Variants in FOXP1 observed in about 807,000 individuals in gnomAD.
The protein encoded by FOXP1 is forkhead box P1.
A neutral mutation model predicts 98.2 loss-of-function variants in FOXP1; 15 were observed. The ratio of observed to expected loss-of-function variants is 0.15; its 90% CI spans 0.10 to 0.24. The LOEUF is 0.24. Among genes scored for constraint, FOXP1 ranks in the 10% least tolerant of loss-of-function variants. FOXP1 has a pLI of 1.00. For missense variants in FOXP1, 633 were observed against 848.5 expected, an observed-to-expected ratio of 0.75 and a Z score of 3.15; for synonymous variants, 371 against 314.5, an observed-to-expected ratio of 1.18 and a Z score of -1.90.
intron 5 of FOXP1, among the ~76,000 whole-genome samples, chr3:71,269,252 T>G (rs1213281999): frequency 1.3e-5 from 2 of 151,830 alleles, no homozygotes; most frequent in African/African-American, 4.8e-5. Flanking sequence ...AAGATGACAA[T>G]TTATGAAGAA....
intron 6 of FOXP1, among the ~76,000 whole-genome samples, chr3:71,187,681 T>C (rs781629081): frequency 2.0e-5 from 3 of 152,098 alleles, no homozygotes; most frequent in Non-Finnish European, 4.4e-5. Context: ...TTATAAGAAA[T>C]AGAAATTGAA....
At chr3:71,026,635 T>C (rs1463099000) in intron 11 of FOXP1, among the ~76,000 whole-genome samples, 1 of 152,222 alleles carries the variant, frequency 6.6e-6, no homozygotes, top group Admixed American at 6.5e-5. Context: ...GCTTTACCAA[T>C]GGTAAGAACC....
chr3:71,007,492 T>C (rs1297259574), intron 12 of FOXP1, among the ~76,000 whole-genome samples: 1 of 152,208 alleles, frequency 6.6e-6, no homozygotes, highest in Non-Finnish European at 1.5e-5. Flanking sequence ...TTCTTTAACA[T>C]ACACTTTGTT....
In FOXP1 at chr3:71,581,777, G is replaced by A. The variant is rs575419987; in HGVS notation, c.-446-80C>T. On this transcript the variant is annotated intron_variant, in intron 1 of 20. Coordinates refer to ENST00000649528, the MANE Select transcript of FOXP1 (RefSeq NM_001349338.3). ...GGGGGGAACTGAAGGGGACGGGACG[G>A]GTGAGTAGGCCGAGGGGCCAGGACA... 26 of 985,774 alleles carry A rather than the reference G, an allele frequency of 2.6e-5. No homozygotes were observed. The African/African-American group carries it at 4.5e-4, about 17-fold the overall frequency. 61.1% of individuals were successfully genotyped at this position (985,774 alleles called of 1,614,324 possible). A position where few individuals can be genotyped will look rare whatever the true frequency, so the allele number is the denominator to read the frequency against.
At chr3:71,307,453 G>A (rs902962682) in intron 4 of FOXP1, among the ~76,000 whole-genome samples, 5 of 152,056 alleles carry the variant, frequency 3.3e-5, no homozygotes, top group Non-Finnish European at 7.4e-5. Context: ...ATGGAGAAAA[G>A]GCAAACAAAA....
chr3:71,376,366 C>T (rs537913775), intron 3 of FOXP1, among the ~76,000 whole-genome samples: 29 of 152,234 alleles, frequency 1.9e-4, no homozygotes, highest in South Asian at 1.0e-3. Context: ...AGTCCATTTA[C>T]GGAGAATATG....
chr3:71,544,987 C>T (rs1170473597), intron 2 of FOXP1, among the ~76,000 whole-genome samples: 2 of 152,134 alleles, frequency 1.3e-5, no homozygotes, highest in Non-Finnish European at 2.9e-5. Context: ...GCTGAATTTG[C>T]TTCTTGAAAG....
chr3:71,370,683 C>T (rs1454514936), intron 3 of FOXP1, among the ~76,000 whole-genome samples: 4 of 152,068 alleles, frequency 2.6e-5, no homozygotes, highest in Non-Finnish European at 5.9e-5. Flanking sequence ...TTTTCTGCCA[C>T]TATCTGCCAC....
At chr3:71,132,706 A>G (rs2059631604) in intron 6 of FOXP1, among the ~76,000 whole-genome samples, 1 of 152,208 alleles carries the variant, frequency 6.6e-6, no homozygotes, top group African/African-American at 2.4e-5. Context: ...ATAATAAACC[A>G]ACATTAAAAT....
chr3:71,116,862 C>T lies in FOXP1; in HGVS notation c.181-4225G>A, dbSNP rs573756030. On this transcript the variant is annotated intron_variant, in intron 6 of 20. Transcript: ENST00000649528. Reference sequence around the variant, plus strand: ...TGGGCATTATAATACAAATCTCCACCATCTATGATTTGTAAAAAGTAAAAA... The same window carrying T: ...TGGGCATTATAATACAAATCTCCACTATCTATGATTTGTAAAAAGTAAAAA... Among the ~76,000 whole-genome samples the T allele has an allele frequency of 3.3e-4, 50 of 152,284 alleles. No individual in the cohort carries two copies. The South Asian group carries it at 0.01, about 31-fold the overall frequency.
At chr3:71,193,622 T>C (rs1198043440) in intron 6 of FOXP1, among the ~76,000 whole-genome samples, 3 of 152,004 alleles carry the variant, frequency 2.0e-5, no homozygotes, top group Non-Finnish European at 4.4e-5. Flanking sequence ...CTAATTTTTG[T>C]ATTTTTAGTA....
At chr3:71,373,334 A>C (rs2079481054) in intron 3 of FOXP1, among the ~76,000 whole-genome samples, 1 of 149,178 alleles carries the variant, frequency 6.7e-6, no homozygotes, top group African/African-American at 2.5e-5. Context: ...CAAAAAAAAA[A>C]CATGTTAAAG....
intron 3 of FOXP1, among the ~76,000 whole-genome samples, chr3:71,410,231 T>C (rs1205556499): frequency 6.6e-6 from 1 of 152,170 alleles, no homozygotes; most frequent in African/African-American, 2.4e-5. Context: ...CGAGTTATTT[T>C]CCTTTTCAAA....
chr3:71,531,196 T>C (rs1012378381), intron 2 of FOXP1, among the ~76,000 whole-genome samples: 1 of 152,282 alleles, frequency 6.6e-6, no homozygotes, highest in South Asian at 2.1e-4. Flanking sequence ...TCAGGCAAAG[T>C]AGGAGATATC....
chr3:70,968,290 T>C (rs1346142006), intron 19 of FOXP1: 1 of 151,864 alleles, frequency 6.6e-6, no homozygotes, highest in Non-Finnish European at 1.5e-5. Context: ...ACACGCTCTC[T>C]GTTAAGCAAG....
chr3:71,312,176 C>G lies in FOXP1; in HGVS notation c.-72-12296G>C, dbSNP rs2074736422. Among the ~76,000 whole-genome samples the G allele has an allele frequency of 2.6e-5, 4 of 152,296 alleles. No homozygotes were observed. In the South Asian group the frequency reaches 8.3e-4, roughly 32 times the overall value. ...CTGGCAAGGGTGTACGCATATGCTGCTTCTTTCCCAAAAAGAACGTTAACA... is the reference window on the plus strand; with the variant it reads ...CTGGCAAGGGTGTACGCATATGCTGGTTCTTTCCCAAAAAGAACGTTAACA... On this transcript the variant is annotated intron_variant, in intron 4 of 20. Transcript: ENST00000649528.
intron 2 of FOXP1, among the ~76,000 whole-genome samples, chr3:71,555,740 G>A (rs924062296): frequency 6.6e-6 from 1 of 152,124 alleles, no homozygotes; most frequent in African/African-American, 2.4e-5. Context: ...ATGGAAATAA[G>A]CCCTACATTA....
rs959884782 is a variant in FOXP1, at chr3:70,957,989, GT to G, written c.*1257del. 4.4e-3 allele frequency: 940 copies of G among 211,820 alleles called. No homozygotes were observed. Among genetic ancestry groups the G allele is most frequent in the Middle Eastern group, 7.8e-3 (5 of 640 alleles). The allele number at this position is 211,820 out of a possible 1,614,324, so 13.1% of individuals were successfully genotyped here. A position where few individuals can be genotyped will look rare whatever the true frequency, so the allele number is the denominator to read the frequency against. Reference sequence around the variant, plus strand: ...TCAGGGCAGCTGCTCGGGGAAGCCGGTTTTTTTTTTTGGCCATTTTGCAAAC... The same window carrying G: ...TCAGGGCAGCTGCTCGGGGAAGCCGGTTTTTTTTTTGGCCATTTTGCAAAC... On this transcript the variant is annotated 3_prime_UTR_variant, in exon 21 of 21. Coordinates refer to ENST00000649528, the MANE Select transcript of FOXP1 (RefSeq NM_001349338.3).
intron 4 of FOXP1, among the ~76,000 whole-genome samples, chr3:71,306,457 C>T (rs927038407): frequency 1.2e-4 from 18 of 152,076 alleles, no homozygotes; most frequent in African/African-American, 3.4e-4. Flanking sequence ...ATATACGTCT[C>T]GTTTCTCTGC....
Sources: gnomAD v4.1 joint callset for allele counts (sites outside exome capture counted in the v4.1 genomes callset) on GRCh38, gnomAD v4.1.1 for gene constraint, MANE v1.5 for transcripts, NCBI Gene and HGNC (gene_info 2026-07-23, HGNC 2026-07-21) for gene names.